SLMAP: variants seen among roughly 807,000 people sequenced by gnomAD.
SLMAP encodes sarcolemmal membrane-associated protein.
In SLMAP, 44 loss-of-function variants were observed where a neutral mutation model predicts 128.8. The observed-to-expected ratio is 0.34, with a 90% confidence interval of 0.27 to 0.44. The LOEUF (loss-of-function observed/expected upper bound fraction) is 0.44. SLMAP is among the 20% of genes least tolerant of loss of function. SLMAP has a pLI of 1.00. For synonymous variants in SLMAP, 327 were observed against 348.8 expected (o/e 0.94, Z 0.70); for missense variants, 787 against 985.3 (o/e 0.80, Z 2.69).
At chr3:57,827,139 C>A (rs2092983528) in intron 2 of SLMAP, among the ~76,000 whole-genome samples, 1 of 152,282 alleles carries the variant, frequency 6.6e-6, no homozygotes, top group East Asian at 1.9e-4. Context: ...GAGTTTGTGG[C>A]CCCTGGCCTG....
intron 13 of SLMAP, among the ~76,000 whole-genome samples, chr3:57,865,603 GT>G (rs1020897982): frequency 2.6e-5 from 4 of 152,036 alleles, no homozygotes; most frequent in African/African-American, 9.7e-5. Flanking sequence ...CTACCATTTT[GT>G]TTCATCAAGT....
chr3:57,879,708 C>T (rs928112461), intron 14 of SLMAP, among the ~76,000 whole-genome samples: 13 of 151,894 alleles, frequency 8.6e-5, no homozygotes, highest in African/African-American at 2.9e-4. Flanking sequence ...TTTTGGAGGC[C>T]GAGGTGGGTG....
At chr3:57,925,402 C>G (rs971188406) in intron 23 of SLMAP, among the ~76,000 whole-genome samples, 5 of 151,012 alleles carry the variant, frequency 3.3e-5, no homozygotes, top group African/African-American at 1.2e-4. Flanking sequence ...ACTCTCAGCT[C>G]ACTGCAACCT....
chr3:57,764,296 G>A (rs747031827), intron 2 of SLMAP, among the ~76,000 whole-genome samples: 1 of 152,114 alleles, frequency 6.6e-6, no homozygotes, highest in African/African-American at 2.4e-5. Context: ...GAGGTCAGGA[G>A]TTTGAGACCA....
rs1041771169 is a variant in SLMAP, at chr3:57,783,976, A to G, written c.198+26127A>G. ...CTGAACCTGCTGCTCTGAAAGGTAC[A>G]AGCCATAAACTCTGGTGGTGTACAC... On this transcript the variant is annotated intron_variant, in intron 2 of 24. Coordinates refer to ENST00000671191, the MANE Select transcript of SLMAP (RefSeq NM_001377540.1). 4.1e-4 allele frequency among the ~76,000 whole-genome samples: 62 copies of G among 152,248 alleles called. 1 individual carries two copies. The highest frequency in any genetic ancestry group is 3.1e-3 in the Admixed American group (47 of 15,296).
intron 3 of SLMAP, among the ~76,000 whole-genome samples, chr3:57,837,527 T>C (rs1054530980): frequency 3.3e-5 from 5 of 152,000 alleles, no homozygotes; most frequent in African/African-American, 4.8e-5. Context: ...CACCACCACG[T>C]CCGGCTAATT....
At chr3:57,897,603 G>A (rs2096272680) in intron 17 of SLMAP, 1 of 152,172 alleles carries the variant, frequency 6.6e-6, no homozygotes, top group South Asian at 2.1e-4. Flanking sequence ...GGCTGAGGCA[G>A]GAGAATTGCT....
At chr3:57,795,793 A>G (rs1032498921) in intron 2 of SLMAP, among the ~76,000 whole-genome samples, 6 of 151,866 alleles carry the variant, frequency 4.0e-5, no homozygotes, top group Admixed American at 2.6e-4. Flanking sequence ...CATCATCCCA[A>G]ACAGAAACAC....
At chr3:57,918,279 A>T (rs1015537131) in intron 22 of SLMAP, 1 of 152,186 alleles carries the variant, frequency 6.6e-6, no homozygotes, top group Non-Finnish European at 1.5e-5. Context: ...TCTGGGAAGA[A>T]TGCTGTGGTT....
rs1576543612 is a variant in SLMAP, at chr3:57,928,625, G to A, written c.*1336G>A. 6.6e-6 allele frequency: 1 copy of A among 152,078 alleles called. No homozygotes were observed. Among genetic ancestry groups the A allele is most frequent in the East Asian group, 1.9e-4 (1 of 5,200 alleles). The allele number at this position is 152,078 out of a possible 1,614,324, so 9.4% of individuals were successfully genotyped here. A position where few individuals can be genotyped will look rare whatever the true frequency, so the allele number is the denominator to read the frequency against. On this transcript the variant is annotated 3_prime_UTR_variant, in exon 25 of 25. Transcript: ENST00000671191. ...AGTTATGTCAATAAAGTTTATTTAG[G>A]TCATAGAATATCCTAAAGTATCACA...
intron 2 of SLMAP, among the ~76,000 whole-genome samples, chr3:57,789,779 C>CT (rs542210284): frequency 0.012 from 1,848 of 152,172 alleles, 21 homozygotes; most frequent in South Asian, 0.033. Flanking sequence ...GTTCTGAGTT[C>CT]TTTTTTTCTT....
At position 57,927,636 on chromosome 3, in the gene SLMAP, A is replaced by T. The variant is rs1168545499; in HGVS notation, c.*347A>T. Reference sequence around the variant, plus strand: ...TTTTTCATGTAATTTTTAAATTAGTATGTTAAGATTCTGAATATTATGGTG... The same window carrying T: ...TTTTTCATGTAATTTTTAAATTAGTTTGTTAAGATTCTGAATATTATGGTG... On this transcript the variant is annotated 3_prime_UTR_variant, in exon 25 of 25. Transcript: ENST00000671191. 1.3e-5 allele frequency: 3 copies of T among 222,478 alleles called. No homozygotes were observed. Among genetic ancestry groups the T allele is most frequent in the Non-Finnish European group, 2.6e-5 (3 of 114,660 alleles). The allele number at this position is 222,478 out of a possible 1,614,324, so 13.8% of individuals were successfully genotyped here. A position where few individuals can be genotyped will look rare whatever the true frequency, so the allele number is the denominator to read the frequency against.
intron 14 of SLMAP, among the ~76,000 whole-genome samples, chr3:57,874,972 T>C (rs2095569539): frequency 6.6e-6 from 1 of 152,206 alleles, no homozygotes; most frequent in Admixed American, 6.5e-5. Context: ...AAGTTTGCTT[T>C]AAATATACAA....
rs2097031542 is a variant in SLMAP, at chr3:57,927,690, ATTAT to A, written c.*406_*409del. ...TAAAGTAGGCTTCTTGGTACACCAG[ATTAT>A]TTATAACATTAAATTTATGAGTATT... On this transcript the variant is annotated 3_prime_UTR_variant, in exon 25 of 25. Coordinates refer to ENST00000671191, the MANE Select transcript of SLMAP (RefSeq NM_001377540.1). 6.0e-6 allele frequency: 1 copy of A among 167,750 alleles called. No individual in the cohort carries two copies. The highest frequency in any genetic ancestry group is 1.3e-5 in the Non-Finnish European group (1 of 78,368). The allele number at this position is 167,750 out of a possible 1,614,324, so 10.4% of individuals were successfully genotyped here. A position where few individuals can be genotyped will look rare whatever the true frequency, so the allele number is the denominator to read the frequency against.
intron 17 of SLMAP, among the ~76,000 whole-genome samples, chr3:57,904,943 T>C (rs1287807922): frequency 6.6e-6 from 1 of 152,210 alleles, no homozygotes; most frequent in Non-Finnish European, 1.5e-5. Context: ...GGCACGTGCC[T>C]GCAGTCCCAG....
chr3:57,853,042 G>A (rs556181777), intron 6 of SLMAP, among the ~76,000 whole-genome samples: 3 of 152,216 alleles, frequency 2.0e-5, no homozygotes, highest in Non-Finnish European at 2.9e-5. Context: ...TTAGGATATA[G>A]TTCATGGAGT....
At chr3:57,814,666 T>A (rs1367356155) in intron 2 of SLMAP, among the ~76,000 whole-genome samples, 1 of 152,150 alleles carries the variant, frequency 6.6e-6, no homozygotes. Flanking sequence ...TGACTAGTAA[T>A]TTCCTCTTGA....
intron 6 of SLMAP, among the ~76,000 whole-genome samples, chr3:57,856,417 TAAA>T (rs1311731359): frequency 6.6e-6 from 1 of 152,174 alleles, no homozygotes; most frequent in Admixed American, 6.5e-5. Context: ...TTTTTATTAT[TAAA>T]AATTTTTTAA....
At chr3:57,873,524 AAAAT>A (rs1483806960) in intron 14 of SLMAP, among the ~76,000 whole-genome samples, 2 of 152,164 alleles carry the variant, frequency 1.3e-5, no homozygotes, top group African/African-American at 4.8e-5. Context: ...AAAAAGTAAA[AAAAT>A]AAATAAATAA....
Sources: allele counts gnomAD v4.1 joint callset (sites outside exome capture counted in the v4.1 genomes callset), GRCh38; gene constraint gnomAD v4.1.1; transcripts MANE v1.5; gene names NCBI Gene and HGNC (gene_info 2026-07-23, HGNC 2026-07-21).